ZNF496: variants seen among roughly 807,000 people sequenced by gnomAD.
ZNF496 encodes the protein zinc finger protein 496, also known as NSD1 (nuclear receptor binding SET-domain containing 1)-interacting zinc finger protein 1.
Under a neutral mutation model 58.9 loss-of-function variants are expected in ZNF496, and 11 were observed. The observed-to-expected ratio is 0.19, with a 90% CI of 0.12 to 0.31. The LOEUF is 0.31. Ranked by LOEUF, ZNF496 falls within the 10% of genes least tolerant of loss-of-function variation. ZNF496 has a pLI of 1.00. For synonymous variants in ZNF496, 338 were observed against 318.2 expected (o/e 1.06, Z -0.66); for missense variants, 660 against 783.0 (o/e 0.84, Z 1.88).
At chr1:247,306,692 G>A (rs1420255883) in intron 9 of ZNF496, among the ~76,000 whole-genome samples, 1 of 151,802 alleles carries the variant, frequency 6.6e-6, no homozygotes, top group Non-Finnish European at 1.5e-5. Flanking sequence ...AGTAGAGACA[G>A]GTTTCGCCAT....
rs995170311 is a variant in ZNF496 at position 247,331,813 on chromosome 1, G to A, written c.-393C>T. On this transcript the variant is annotated 5_prime_UTR_variant, in exon 1 of 10. Transcript: ENST00000682384. ...ACCGCCGCGGCGCGTCCCTGTTGGCGGGCGGCGCAGGCCTGGCCGCCGCGG... is the reference window on the plus strand; with the variant it reads ...ACCGCCGCGGCGCGTCCCTGTTGGCAGGCGGCGCAGGCCTGGCCGCCGCGG... 6.7e-6 allele frequency: 1 copy of A among 148,700 alleles called. No homozygotes were observed. The highest frequency in any genetic ancestry group is 2.4e-5 in the African/African-American group (1 of 41,024). 9.2% of individuals were successfully genotyped at this position (148,700 alleles called of 1,614,324 possible). A position where few individuals can be genotyped will look rare whatever the true frequency, so the allele number is the denominator to read the frequency against.
chr1:247,325,412 T>A (rs1214174322), intron 5 of ZNF496, among the ~76,000 whole-genome samples: 1 of 152,264 alleles, frequency 6.6e-6, no homozygotes, highest in Non-Finnish European at 1.5e-5. Context: ...AAAAATTGTA[T>A]GTATTTTGTA....
At chr1:247,302,308 G>A (rs919158129) in intron 9 of ZNF496, among the ~76,000 whole-genome samples, 7 of 152,040 alleles carry the variant, frequency 4.6e-5, no homozygotes, top group African/African-American at 1.7e-4. Flanking sequence ...AAGACACAGA[G>A]GCTATGGAGA....
At chr1:247,313,711 C>A (rs1409040052) in intron 6 of ZNF496, 1 of 152,186 alleles carries the variant, frequency 6.6e-6, no homozygotes, top group African/African-American at 2.4e-5. Context: ...AGCTGCTTCA[C>A]TGAAGCATTG....
chr1:247,320,853 A>G (rs539626124), intron 6 of ZNF496, among the ~76,000 whole-genome samples: 1 of 152,212 alleles, frequency 6.6e-6, no homozygotes, highest in Non-Finnish European at 1.5e-5. Context: ...ATATACACAC[A>G]TGGGAGTATT....
chr1:247,323,467 T>C (rs1660023415), intron 5 of ZNF496, among the ~76,000 whole-genome samples: 1 of 152,196 alleles, frequency 6.6e-6, no homozygotes, highest in Admixed American at 6.5e-5. Flanking sequence ...ACCACAAAGA[T>C]TGCTGCGACT....
At chr1:247,311,215 T>G (rs1322338606) in intron 6 of ZNF496, 1 of 151,780 alleles carries the variant, frequency 6.6e-6, no homozygotes, top group Admixed American at 6.6e-5. Flanking sequence ...GCCTGGCCAA[T>G]ACGGTTAAAC....
chr1:247,303,495 C>T (rs142708399), intron 9 of ZNF496, among the ~76,000 whole-genome samples: 23 of 152,142 alleles, frequency 1.5e-4, no homozygotes, highest in African/African-American at 5.5e-4. Context: ...TTCTGAAGTG[C>T]ATGTTTAAAA....
Position 247,301,210 on chromosome 1 carries a change from G to A in ZNF496, c.1073C>T (p.Ser358Phe), listed in dbSNP as rs1203026725. ...DEEVTIEIVL[S>F]SSGDEDSQHG... ...CTGGGAGTCCTCGTCCCCAGAGCTG[G>A]AGAGAACGATCTCGATGGTCACTTC... is the stretch of plus-strand genomic sequence containing the variant. Residue 358 changes from serine to phenylalanine, a missense_variant, in exon 10 of 10, where the codon TCC (serine) becomes TTC (phenylalanine). Ser to Phe is a radical substitution (Grantham distance 155). Transcript: ENST00000682384. The A allele has an allele frequency of 6.4e-7, 1 of 1,559,048 alleles. No homozygotes were observed. The highest frequency in any genetic ancestry group is 8.7e-7 in the Non-Finnish European group (1 of 1,152,712).
intron 5 of ZNF496, among the ~76,000 whole-genome samples, chr1:247,325,169 G>C (rs1256550952): frequency 6.6e-6 from 1 of 152,216 alleles, no homozygotes; most frequent in African/African-American, 2.4e-5. Context: ...GCAGCTGCAG[G>C]AGTGGCTATG....
intron 6 of ZNF496, chr1:247,322,951 AC>A: frequency 1.4e-6 from 1 of 715,834 alleles, no homozygotes; most frequent in South Asian, 1.9e-5. Flanking sequence ...ATGACAGTAG[AC>A]CCAGTGGGCG....
Position 247,329,119 on chromosome 1 carries a change from C to A in ZNF496, c.390+70G>T. 1 of 1,602,720 alleles carries A rather than the reference C, an allele frequency of 6.2e-7. No homozygotes were observed. ...GGAACTCCTCATTCCCCAGCCAGCA[C>A]ATGCATGGCCCAGCCAAAGTGTCTA... On this transcript the variant is annotated intron_variant, in intron 4 of 9. Transcript: ENST00000682384. This position sits in a 1 kb window ranked among gnomAD's most constrained non-coding sequence, Gnocchi z 5.5.
rs141843809 is a variant in ZNF496, at chr1:247,300,734, T to C, written c.1549A>G (p.Lys517Glu). The C allele has an allele frequency of 1.2e-6, 2 of 1,611,916 alleles. No individual in the cohort carries two copies. Among genetic ancestry groups the C allele is most frequent in the African/African-American group, 1.3e-5 (1 of 74,912 alleles). Residue 517 changes from lysine to glutamate, a missense_variant, in exon 10 of 10, where the codon AAG becomes GAG. By Grantham distance (56) the Lys-to-Glu change is moderately conservative. Transcript: ENST00000682384. The surrounding 1 kb of genome is among the most constrained non-coding windows in gnomAD (Gnocchi z 5.7). The part of the protein sequence containing the change: ...KGPKEPLENG[K>E]AKLSFQCCEC... Reference sequence around the variant, plus strand: ...CAGCACTGGAAGCTCAGTTTGGCCTTGCCGTTTTCCAGCGGCTCTTTGGGA... The same window carrying C: ...CAGCACTGGAAGCTCAGTTTGGCCTCGCCGTTTTCCAGCGGCTCTTTGGGA...
chr1:247,305,229 C>T lies in ZNF496; in HGVS notation c.1006+3246G>A, dbSNP rs189635864. Among the ~76,000 whole-genome samples the T allele has an allele frequency of 1.2e-4, 18 of 152,078 alleles. No homozygotes were observed. The South Asian group carries it at 1.7e-3, about 14-fold the overall frequency. ...GGCAGAGGTTGCAGTAAGCCAAGAT[C>T]GCGCCACTGTTCTCTAACCTGGGTG... On this transcript the variant is annotated intron_variant, in intron 9 of 9. Transcript: ENST00000682384.
rs1558434383 is a variant in ZNF496 at position 247,300,232 on chromosome 1, A to G, written c.*287T>C. 7 of 307,362 alleles carry G rather than the reference A, an allele frequency of 2.3e-5. No individual in the cohort carries two copies. The South Asian group carries it at 3.3e-4, about 14-fold the overall frequency. The allele number at this position is 307,362 out of a possible 1,614,324, so 19.0% of individuals were successfully genotyped here. The stretch of plus-strand genomic sequence containing the variant: ...TCCCCGAGCTTGGGGAGCATGGGCC[A>G]AGGGTCTCTAAGACGCAGAACACCT... On this transcript the variant is annotated 3_prime_UTR_variant, in exon 10 of 10. Coordinates refer to ENST00000682384, the MANE Select transcript of ZNF496 (RefSeq NM_032752.3). This position sits in a 1 kb window ranked among gnomAD's most constrained non-coding sequence, Gnocchi z 5.7.
At position 247,309,707 on chromosome 1, in the gene ZNF496, G is replaced by A. The variant is rs150670300; in HGVS notation, c.884C>T (p.Ser295Phe). Residue 295 changes from serine to phenylalanine, a missense_variant, in exon 8 of 10, where the codon TCC becomes TTC. Coordinates refer to ENST00000682384, the MANE Select transcript of ZNF496 (RefSeq NM_032752.3). The surrounding 1 kb of genome is among the most constrained non-coding windows in gnomAD (Gnocchi z 4.3). ...DLQGKEVPQV[S>F]YLDSPSLQPF... Reference sequence around the variant, plus strand: ...CTGGAATCATTACTCACCCAAGTAGGAGACCTGGGGCACTTCTTTGCCCTG... The same window carrying A: ...CTGGAATCATTACTCACCCAAGTAGAAGACCTGGGGCACTTCTTTGCCCTG... The A allele has an allele frequency of 1.9e-6, 3 of 1,614,040 alleles. No individual in the cohort carries two copies. Among genetic ancestry groups the A allele is most frequent in the Non-Finnish European group, 1.7e-6 (2 of 1,180,034 alleles).
chr1:247,327,771 T>C (rs1415069503), intron 5 of ZNF496, among the ~76,000 whole-genome samples: 1 of 79,262 alleles, frequency 1.3e-5, no homozygotes, highest in South Asian at 5.0e-4. Context: ...ATTGTACCTA[T>C]AGAGCACTAT....
intron 6 of ZNF496, among the ~76,000 whole-genome samples, chr1:247,315,776 C>T (rs569958968): frequency 5.3e-5 from 8 of 152,114 alleles, no homozygotes; most frequent in Non-Finnish European, 1.2e-4. Flanking sequence ...AAAGAGAATA[C>T]CTCAAAAATT....
Position 247,323,177 on chromosome 1 carries a change from C to A in ZNF496, c.628G>T (p.Val210Leu). The A allele has an allele frequency of 6.2e-7, 1 of 1,614,070 alleles. No homozygotes were observed. The highest frequency in any genetic ancestry group is 8.5e-7 in the Non-Finnish European group (1 of 1,179,974). ...QEENVRDTQQ[V>L]TTLQLPPSRV... is the part of the protein sequence containing the mutation. ...ACCGGGGGTAGCTGGAGGGTGGTCA[C>A]CTGCTGTGTGTCCCGCACATTCTCT... The change falls in exon 6 of 10, where the codon GTG (valine) becomes TTG (leucine). Residue 210 changes from valine (V) to leucine (L), a missense_variant. Val to Leu is a conservative substitution (Grantham distance 32). Transcript: ENST00000682384.
Sources: allele counts gnomAD v4.1 joint callset (sites outside exome capture counted in the v4.1 genomes callset), GRCh38; gene constraint gnomAD v4.1.1; non-coding constraint Gnocchi (gnomAD v3.1); transcripts MANE v1.5; gene names NCBI Gene and HGNC (gene_info 2026-07-23, HGNC 2026-07-21).